The following OLFML2A variants were observed in gnomAD, a reference collection of about 807,000 sequenced individuals.
OLFML2A encodes olfactomedin-like protein 2A.
Under a neutral mutation model 60.9 loss-of-function variants are expected in OLFML2A, and 47 were observed. The observed-to-expected ratio is 0.77, with a 90% confidence interval of 0.61 to 0.98. The LOEUF is 0.98. OLFML2A is among the 50% of genes least tolerant of loss of function. The pLI is 0.00. For synonymous variants in OLFML2A, 372 were observed against 375.0 expected, an observed-to-expected ratio of 0.99 and a Z score of 0.09; for missense variants, 922 against 879.8, an observed-to-expected ratio of 1.05 and a Z score of -0.61.
Position 124,777,391 on chromosome 9 carries a change from G to C in OLFML2A, c.90+31G>C. 8.1e-7 allele frequency: 1 copy of C among 1,229,800 alleles called. No homozygotes were observed. Among genetic ancestry groups the C allele is most frequent in the Non-Finnish European group, 1.0e-6 (1 of 985,166 alleles). 76.2% of individuals were successfully genotyped at this position (1,229,800 alleles called of 1,614,324 possible). A position where few individuals can be genotyped will look rare whatever the true frequency, so the allele number is the denominator to read the frequency against. On this transcript the variant is annotated intron_variant, in intron 1 of 7. Transcript: ENST00000373580. This position sits in a 1 kb window ranked among gnomAD's most constrained non-coding sequence, Gnocchi z 6.2. Reference sequence around the variant, plus strand: ...CACGCCCCTCGGACCCGCGCGGCTCGGCGGGTAGCGGGGCGCGAGGGGGCG... The same window carrying C: ...CACGCCCCTCGGACCCGCGCGGCTCCGCGGGTAGCGGGGCGCGAGGGGGCG...
In OLFML2A at chr9:124,779,123, G is replaced by A. The variant is rs1191727052; in HGVS notation, c.90+1763G>A. On this transcript the variant is annotated intron_variant, in intron 1 of 7. Transcript: ENST00000373580. This position sits in a 1 kb window ranked among gnomAD's most constrained non-coding sequence, Gnocchi z 4.1. Reference sequence around the variant, plus strand: ...GAGTATTTTTTCTAATTTACAGGTGGGGAAACTAGGGTGTTTACAGAGGCA... The same window carrying A: ...GAGTATTTTTTCTAATTTACAGGTGAGGAAACTAGGGTGTTTACAGAGGCA... The A allele has an allele frequency of 5.3e-6, 1 of 187,948 alleles. No individual in the cohort carries two copies. Among genetic ancestry groups the A allele is most frequent in the African/African-American group, 2.4e-5 (1 of 41,966 alleles). 11.6% of individuals were successfully genotyped at this position (187,948 alleles called of 1,614,324 possible).
At chr9:124,796,639 T>C (rs891911792) in intron 3 of OLFML2A, among the ~76,000 whole-genome samples, 2 of 152,218 alleles carry the variant, frequency 1.3e-5, no homozygotes, top group Non-Finnish European at 2.9e-5. Context: ...ACAGCCTCAC[T>C]TGGGAGAGGC....
chr9:124,780,764 C>G (rs1841348680), intron 1 of OLFML2A, among the ~76,000 whole-genome samples: 1 of 152,212 alleles, frequency 6.6e-6, no homozygotes. Context: ...GTCCCCAGCA[C>G]TTACATGCAG....
chr9:124,801,158 G>T, intron 4 of OLFML2A: 2 of 1,187,540 alleles, frequency 1.7e-6, no homozygotes, highest in Non-Finnish European at 2.4e-6. Flanking sequence ...GTTGAGAAGT[G>T]GGACAGGAAT....
At position 124,780,400 on chromosome 9, in the gene OLFML2A, G is replaced by A. The variant is rs113624054; in HGVS notation, c.90+3040G>A. Reference sequence around the variant, plus strand: ...GTCAGCCTGCTGATCAGGGGCCCAAGGACAGAGGGAAGCCCAAAGGACTGT... The same window carrying A: ...GTCAGCCTGCTGATCAGGGGCCCAAAGACAGAGGGAAGCCCAAAGGACTGT... On this transcript the variant is annotated intron_variant, in intron 1 of 7. Coordinates refer to ENST00000373580, the MANE Select transcript of OLFML2A (RefSeq NM_182487.4). Among the ~76,000 whole-genome samples, 3 of 152,250 alleles carry A rather than the reference G, an allele frequency of 2.0e-5. No individual in the cohort carries two copies. In the South Asian group the frequency reaches 6.2e-4, roughly 32 times the overall value.
chr9:124,809,759 G>A (rs757696756), intron 7 of OLFML2A, 49 bp from the exon 8 acceptor site: 16 of 1,550,794 alleles, frequency 1.0e-5, no homozygotes, highest in Non-Finnish European at 1.4e-5. Context: ...GATGTGGGTG[G>A]GCTGGGGTTG....
intron 7 of OLFML2A, 145 bp downstream of exon 7, chr9:124,808,111 G>A: frequency 6.1e-6 from 4 of 656,656 alleles, no homozygotes; most frequent in Non-Finnish European, 1.0e-5. Context: ...CAAGGAGGGG[G>A]TTCTGGGCTG....
chr9:124,787,013 G>A lies in OLFML2A; in HGVS notation c.129G>A (p.Glu43=). Residue 43 remains glutamate, a synonymous_variant, in exon 2 of 8, where the codon GAG becomes GAA. Transcript: ENST00000373580. Reference sequence around the variant, plus strand: ...TGGACCAGGTGAGGATGACCTCGGAGGGCTCCGACTGCCGTTGCAAGTGCA... The same window carrying A: ...TGGACCAGGTGAGGATGACCTCGGAAGGCTCCGACTGCCGTTGCAAGTGCA... ...GDLDQVRMTS[E]GSDCRCKCIM... 1.9e-6 allele frequency: 3 copies of A among 1,613,808 alleles called. No individual in the cohort carries two copies. The highest frequency in any genetic ancestry group is 2.5e-6 in the Non-Finnish European group (3 of 1,179,920).
At chr9:124,787,348 C>A in intron 2 of OLFML2A, 110 bp downstream of exon 2, 1 of 1,065,338 alleles carries the variant, frequency 9.4e-7, no homozygotes. Context: ...GTTACTGCCC[C>A]ATTTCACAGA....
intron 1 of OLFML2A, among the ~76,000 whole-genome samples, chr9:124,784,943 G>GTTTTTTTCTTTTTTTTTTT (rs1841429934): frequency 1.4e-5 from 1 of 69,542 alleles, no homozygotes; most frequent in Non-Finnish European, 2.5e-5. Context: ...CCTTTTACTT[G>GTTTTTTTCTTTTTTTTTTT]TTTTTTTTTT....
At chr9:124,808,985 G>A (rs931355567) in intron 7 of OLFML2A, among the ~76,000 whole-genome samples, 7 of 148,880 alleles carry the variant, frequency 4.7e-5, no homozygotes, top group East Asian at 2.0e-4. Flanking sequence ...GTGAAACCCC[G>A]TCTCTACTAA....
intron 2 of OLFML2A, among the ~76,000 whole-genome samples, chr9:124,791,925 C>T (rs1229802900): frequency 1.3e-5 from 2 of 152,124 alleles, no homozygotes; most frequent in African/African-American, 4.8e-5. Flanking sequence ...GCATTTTGAA[C>T]CTGTGCTGCT....
At chr9:124,798,854 A>G (rs1841715803) in intron 3 of OLFML2A, among the ~76,000 whole-genome samples, 1 of 152,206 alleles carries the variant, frequency 6.6e-6, no homozygotes, top group Admixed American at 6.5e-5. Context: ...ATATGCAGAT[A>G]TGCATCAGTT....
At chr9:124,793,645 G>A (rs1841609049) in intron 2 of OLFML2A, among the ~76,000 whole-genome samples, 1 of 152,204 alleles carries the variant, frequency 6.6e-6, no homozygotes, top group South Asian at 2.1e-4. Flanking sequence ...GTAAAATGAG[G>A]GTGAAAGTTG....
intron 1 of OLFML2A, among the ~76,000 whole-genome samples, chr9:124,780,839 T>TG (rs1161630951): frequency 6.6e-6 from 1 of 152,206 alleles, no homozygotes; most frequent in Non-Finnish European, 1.5e-5. Context: ...TTTATGGTCT[T>TG]GAACACTGAG....
At position 124,810,298 on chromosome 9, in the gene OLFML2A, G is replaced by C. The variant is rs551016152; in HGVS notation, c.1845G>C (p.Pro615=). 3.1e-6 allele frequency: 5 copies of C among 1,608,904 alleles called. No homozygotes were observed. Among genetic ancestry groups the C allele is most frequent in the Non-Finnish European group, 3.4e-6 (4 of 1,179,992 alleles). Residue 615 remains proline, a synonymous_variant, in exon 8 of 8, where the codon CCG becomes CCC. Coordinates refer to ENST00000373580, the MANE Select transcript of OLFML2A (RefSeq NM_182487.4). The part of the protein sequence containing the change: ...HTGTDARPQL[P]FLNEHAYTTQ... ...GCACCGACGCACGCCCCCAGCTGCC[G>C]TTCCTCAACGAGCACGCCTACACCA... is the stretch of plus-strand genomic sequence containing the variant.
chr9:124,807,958 T>A lies in OLFML2A; in HGVS notation c.1346T>A (p.Phe449Tyr). Residue 449 changes from phenylalanine to tyrosine, a missense_variant, in exon 7 of 8, where the codon TTC becomes TAC. Physicochemically the swap from Phe to Tyr is conservative, Grantham distance 22 (BLOSUM62 3). Coordinates refer to ENST00000373580, the MANE Select transcript of OLFML2A (RefSeq NM_182487.4). Reference sequence around the variant, plus strand: ...GTGGAGTTCCGCAACCTGGAAAACTTCAAGCAAGGTCAGGGACCCCCGGAG... The same window carrying A: ...GTGGAGTTCCGCAACCTGGAAAACTACAAGCAAGGTCAGGGACCCCCGGAG... The part of the protein sequence containing the change: ...SLVEFRNLEN[F>Y]KQGRWSNMYK... 6.2e-7 allele frequency: 1 copy of A among 1,613,710 alleles called. No individual in the cohort carries two copies. Among genetic ancestry groups the A allele is most frequent in the Non-Finnish European group, 8.5e-7 (1 of 1,179,684 alleles).
chr9:124,796,850 A>C lies in OLFML2A; in HGVS notation c.462+1719A>C, dbSNP rs191505673. ...ACAGGATGGGTGCTACTGGGATTCT[A>C]CTGGTTAGAGGCCAGAGATTTGGCT... On this transcript the variant is annotated intron_variant, in intron 3 of 7. Coordinates refer to ENST00000373580, the MANE Select transcript of OLFML2A (RefSeq NM_182487.4). 3.7e-3 allele frequency among the ~76,000 whole-genome samples: 565 copies of C among 152,332 alleles called. 1 individual carries two copies. The highest frequency in any genetic ancestry group is 0.013 in the African/African-American group (528 of 41,578).
chr9:124,790,300 G>T (rs1841547262), intron 2 of OLFML2A, among the ~76,000 whole-genome samples: 1 of 152,092 alleles, frequency 6.6e-6, no homozygotes, highest in African/African-American at 2.4e-5. Flanking sequence ...CTCCTGAGTG[G>T]CTGGGATTAC....
Sources: allele counts gnomAD v4.1 joint callset (sites outside exome capture counted in the v4.1 genomes callset), GRCh38; gene constraint gnomAD v4.1.1; non-coding constraint Gnocchi (gnomAD v3.1); transcripts MANE v1.5; gene names NCBI Gene and HGNC (gene_info 2026-07-23, HGNC 2026-07-21).